The following DLC1 variants were observed in gnomAD, a reference collection of about 807,000 sequenced individuals.
DLC1 encodes rho GTPase-activating protein 7.
A neutral mutation model predicts 140.3 loss-of-function variants in DLC1; 54 were observed. The observed-to-expected ratio is 0.38, with a 90% CI of 0.31 to 0.48. The LOEUF is 0.48. Among genes scored for constraint, DLC1 ranks in the 20% least tolerant of loss-of-function variants. The pLI, the probability that DLC1 is intolerant of heterozygous loss-of-function variation, is 0.96. For missense variants in DLC1, 2,536 were observed against 1,907.0 expected (o/e 1.33, Z -6.14); for synonymous variants, 986 against 728.1 (o/e 1.35, Z -5.70).
intron 5 of DLC1, among the ~76,000 whole-genome samples, chr8:13,232,762 A>G (rs1829107697): frequency 6.6e-6 from 1 of 152,206 alleles, no homozygotes; most frequent in Non-Finnish European, 1.5e-5. Flanking sequence ...TCAATTCTGG[A>G]ATTTTAGACT....
chr8:13,280,122 T>C (rs528551935), intron 5 of DLC1, among the ~76,000 whole-genome samples: 10 of 132,542 alleles, frequency 7.5e-5, no homozygotes, highest in Middle Eastern at 3.8e-3. Context: ...CTACTAAAAA[T>C]ACAAAAAAAA....
At chr8:13,195,454 G>C (rs1359322323) in intron 5 of DLC1, among the ~76,000 whole-genome samples, 11 of 152,208 alleles carry the variant, frequency 7.2e-5, no homozygotes, top group African/African-American at 1.2e-4. Context: ...GTGGAAGCGA[G>C]TGTGAGTACA....
At chr8:13,327,404 C>G (rs1586144816) in intron 4 of DLC1, among the ~76,000 whole-genome samples, 1 of 151,106 alleles carries the variant, frequency 6.6e-6, no homozygotes, top group Non-Finnish European at 1.5e-5. Context: ...TTACATTTTG[C>G]TAGTGTTTTG....
At chr8:13,527,048 AAG>A (rs1802940976) in intron 1 of DLC1, among the ~76,000 whole-genome samples, 1 of 152,166 alleles carries the variant, frequency 6.6e-6, no homozygotes, top group South Asian at 2.1e-4. Context: ...AGCAGCTTCA[AAG>A]ATTCTTAAGA....
chr8:13,402,191 T>C (rs759045349), intron 2 of DLC1, among the ~76,000 whole-genome samples: 37 of 152,330 alleles, frequency 2.4e-4, no homozygotes, highest in Non-Finnish European at 4.3e-4. Flanking sequence ...TTTCTTTTAT[T>C]TTACACACTT....
chr8:13,248,866 T>C (rs7834975), intron 5 of DLC1, among the ~76,000 whole-genome samples: 35,637 of 152,044 alleles, frequency 0.23, 4,354 homozygotes, highest in South Asian at 0.34. Context: ...ACCTTTTTTT[T>C]CCCTCCCTGG....
chr8:13,312,288 GA>G (rs1263928222), intron 4 of DLC1, among the ~76,000 whole-genome samples: 1 of 115,418 alleles, frequency 8.7e-6, no homozygotes, highest in Non-Finnish European at 1.8e-5. Flanking sequence ...GTGAACCCGG[GA>G]GGCGGAGCTT....
At chr8:13,240,174 A>G (rs575847793) in intron 5 of DLC1, among the ~76,000 whole-genome samples, 70 of 152,246 alleles carry the variant, frequency 4.6e-4, no homozygotes, top group African/African-American at 1.5e-3. Context: ...ACCTGGGCAT[A>G]TCTCTGTGCA....
intron 5 of DLC1, among the ~76,000 whole-genome samples, chr8:13,140,711 G>A (rs934198717): frequency 2.0e-5 from 3 of 152,064 alleles, no homozygotes; most frequent in Non-Finnish European, 2.9e-5. Context: ...AAAATTTAAA[G>A]GTCTTACTTA....
At chr8:13,234,749 C>T (rs1178218281) in intron 5 of DLC1, among the ~76,000 whole-genome samples, 2 of 151,944 alleles carry the variant, frequency 1.3e-5, no homozygotes, top group African/African-American at 4.8e-5. Context: ...TTTGAAGCCA[C>T]ATTAAATCGG....
At position 13,274,933 on chromosome 8, in the gene DLC1, C is replaced by A. The variant is rs1417806012; in HGVS notation, c.1348+30336G>T. Among the ~76,000 whole-genome samples the A allele has an allele frequency of 2.0e-5, 3 of 152,136 alleles. No individual in the cohort carries two copies. In the South Asian group the frequency reaches 6.2e-4, roughly 31 times the overall value. On this transcript the variant is annotated intron_variant, in intron 5 of 17. Transcript: ENST00000276297. Reference sequence around the variant, plus strand: ...AATTTTTTACTCCCAAATCTTACATCTTAAACTTCTTCTGGTTAATTGCAA... The same window carrying A: ...AATTTTTTACTCCCAAATCTTACATATTAAACTTCTTCTGGTTAATTGCAA...
chr8:13,588,687 A>G (rs1805414390), intron 1 of DLC1, among the ~76,000 whole-genome samples: 2 of 152,146 alleles, frequency 1.3e-5, no homozygotes, highest in Admixed American at 1.3e-4. Flanking sequence ...GCTCAATATA[A>G]GACAATTCAG....
intron 4 of DLC1, among the ~76,000 whole-genome samples, chr8:13,357,589 A>G (rs1267835525): frequency 6.6e-6 from 1 of 152,152 alleles, no homozygotes; most frequent in Non-Finnish European, 1.5e-5. Flanking sequence ...ACTGCATGTG[A>G]CCCTTTGTTT....
chr8:13,570,307 T>TA (rs1482378030), intron 1 of DLC1, among the ~76,000 whole-genome samples: 2 of 151,028 alleles, frequency 1.3e-5, no homozygotes, highest in South Asian at 2.1e-4. Flanking sequence ...TTTTTTTTTT[T>TA]ATTATACTTT....
chr8:13,551,909 T>C (rs1425983231), intron 1 of DLC1, among the ~76,000 whole-genome samples: 3 of 147,020 alleles, frequency 2.0e-5, no homozygotes, highest in African/African-American at 7.4e-5. Flanking sequence ...TATATATATA[T>C]ATATGTACCT....
chr8:13,570,483 C>T (rs1464323253), intron 1 of DLC1, among the ~76,000 whole-genome samples: 2 of 127,638 alleles, frequency 1.6e-5, no homozygotes, highest in Non-Finnish European at 3.2e-5. Flanking sequence ...GTGTGATATT[C>T]CCCTTCCTGT....
At chr8:13,268,000 C>T (rs2117365229) in intron 5 of DLC1, among the ~76,000 whole-genome samples, 1 of 152,210 alleles carries the variant, frequency 6.6e-6, no homozygotes, top group Middle Eastern at 3.4e-3. Context: ...GTGGAATCAA[C>T]AATGACTTAG....
At chr8:13,294,683 C>A (rs772983540) in intron 5 of DLC1, among the ~76,000 whole-genome samples, 1 of 151,894 alleles carries the variant, frequency 6.6e-6, no homozygotes, top group South Asian at 2.1e-4. Context: ...AGGGTAAGGC[C>A]AGATTACGGA....
chr8:13,435,338 A>G (rs1839070839), intron 2 of DLC1, among the ~76,000 whole-genome samples: 1 of 151,962 alleles, frequency 6.6e-6, no homozygotes, highest in South Asian at 2.1e-4. Context: ...TTTGAGACAG[A>G]GTTTCACTCT....
Sources: gnomAD v4.1 joint callset for allele counts (sites outside exome capture counted in the v4.1 genomes callset) on GRCh38, gnomAD v4.1.1 for gene constraint, MANE v1.5 for transcripts, NCBI Gene and HGNC (gene_info 2026-07-23, HGNC 2026-07-21) for gene names.